PAX7: variants seen among roughly 807,000 people sequenced by gnomAD.
PAX7 encodes paired box protein Pax-7.
Under a neutral mutation model 50.7 loss-of-function variants are expected in PAX7, and 18 were observed. The observed-to-expected ratio is 0.36, with a 90% CI of 0.25 to 0.53. PAX7 has a LOEUF of 0.53. Ranked by LOEUF, PAX7 falls within the 20% of genes least tolerant of loss-of-function variation. The pLI is 0.93. For missense variants in PAX7, 644 were observed against 702.9 expected (o/e 0.92, Z 0.95); for synonymous variants, 310 against 290.4 (o/e 1.07, Z -0.69).
At chr1:18,668,832 C>T (rs12141588) in intron 4 of PAX7, among the ~76,000 whole-genome samples, 5,543 of 152,344 alleles carry the variant, frequency 0.036, 171 homozygotes, top group Admixed American at 0.056. Context: ...GGGATTGGCA[C>T]CACATTTCCC....
At chr1:18,660,816 G>GA (rs1200507298) in intron 4 of PAX7, among the ~76,000 whole-genome samples, 1 of 152,176 alleles carries the variant, frequency 6.6e-6, no homozygotes, top group African/African-American at 2.4e-5. Flanking sequence ...AGGGAGGGGA[G>GA]AGAGGACTCA....
At chr1:18,694,796 G>A (rs1194028457) in intron 5 of PAX7, among the ~76,000 whole-genome samples, 1 of 152,146 alleles carries the variant, frequency 6.6e-6, no homozygotes, top group Admixed American at 6.5e-5. Flanking sequence ...TTACATTTCT[G>A]GGATCCCTAT....
chr1:18,631,356 T>G lies in PAX7; in HGVS notation c.-248T>G. The G allele has an allele frequency of 2.0e-6, 1 of 509,478 alleles. No homozygotes were observed. The highest frequency in any genetic ancestry group is 3.5e-6 in the Non-Finnish European group (1 of 282,616). 31.6% of individuals were successfully genotyped at this position (509,478 alleles called of 1,614,324 possible). A position where few individuals can be genotyped will look rare whatever the true frequency, so the allele number is the denominator to read the frequency against. ...GTTGGAGTGTTTGTTTGTTTGAACT[T>G]CCTCGTCGTCGCCACCTTCCCTCCC... On this transcript the variant is annotated 5_prime_UTR_variant, in exon 1 of 9. Transcript: ENST00000420770.
intron 5 of PAX7, among the ~76,000 whole-genome samples, chr1:18,696,718 TAG>T (rs917922629): frequency 6.4e-4 from 97 of 152,004 alleles, no homozygotes; most frequent in African/African-American, 2.0e-3. Flanking sequence ...CTCATGGAGA[TAG>T]AGAGTAGAAG....
At chr1:18,724,321 A>G (rs2089529650) in intron 7 of PAX7, among the ~76,000 whole-genome samples, 1 of 152,374 alleles carries the variant, frequency 6.6e-6, no homozygotes, top group Non-Finnish European at 1.5e-5. Context: ...AGCAGGCTGC[A>G]GAGGCAGCTG....
At chr1:18,725,660 C>CT (rs1447403485) in intron 7 of PAX7, among the ~76,000 whole-genome samples, 1 of 152,216 alleles carries the variant, frequency 6.6e-6, no homozygotes, top group African/African-American at 2.4e-5. Flanking sequence ...CAATCATTAT[C>CT]TTTAAATAGT....
At chr1:18,709,428 T>C (rs1417304518) in intron 7 of PAX7, among the ~76,000 whole-genome samples, 1 of 152,262 alleles carries the variant, frequency 6.6e-6, no homozygotes, top group Non-Finnish European at 1.5e-5. Context: ...ATTCTCTAAG[T>C]GTGCAGTTAA....
At chr1:18,677,996 T>C (rs2088847445) in intron 4 of PAX7, among the ~76,000 whole-genome samples, 1 of 149,492 alleles carries the variant, frequency 6.7e-6, no homozygotes, top group African/African-American at 2.5e-5. Flanking sequence ...GCAGGAGAAA[T>C]GCTTCAACCC....
At chr1:18,709,973 T>C (rs1415757336) in intron 7 of PAX7, among the ~76,000 whole-genome samples, 1 of 152,228 alleles carries the variant, frequency 6.6e-6, no homozygotes. Flanking sequence ...TTTACCTTTA[T>C]TTATTTGTGA....
intron 4 of PAX7, among the ~76,000 whole-genome samples, chr1:18,668,793 A>G (rs2088703180): frequency 6.6e-6 from 1 of 152,208 alleles, no homozygotes; most frequent in African/African-American, 2.4e-5. Flanking sequence ...GCATTCACAT[A>G]AACTTTTCTC....
chr1:18,702,968 G>T (rs1425140708), intron 6 of PAX7, 126 bp from the exon 7 acceptor site: 1 of 836,714 alleles, frequency 1.2e-6, no homozygotes, highest in East Asian at 2.7e-5. Flanking sequence ...AGCATGAGAG[G>T]GTGGTCCCTT....
chr1:18,676,027 A>T (rs931073846), intron 4 of PAX7, among the ~76,000 whole-genome samples: 6 of 152,120 alleles, frequency 3.9e-5, no homozygotes, highest in African/African-American at 1.4e-4. Flanking sequence ...CTGACATAAT[A>T]CGTAACAGTA....
chr1:18,727,371 T>TACACACACAC (rs56258552), intron 7 of PAX7, among the ~76,000 whole-genome samples: 40 of 134,078 alleles, frequency 3.0e-4, no homozygotes, highest in African/African-American at 9.3e-4. Flanking sequence ...CTCTCTCTCA[T>TACACACACAC]ACACACACAC....
rs573576354 is a variant in PAX7 at position 18,651,941 on chromosome 1, G to GA, written c.586+15572dup. Among the ~76,000 whole-genome samples, 1,025 of 152,002 alleles carry GA rather than the reference G, an allele frequency of 6.7e-3. 4 individuals carry two copies. The highest frequency in any genetic ancestry group is 0.01 in the Non-Finnish European group (699 of 67,970). On this transcript the variant is annotated intron_variant, in intron 4 of 8. Transcript: ENST00000420770. ...AGAAAAGCAGCCTGGTTTGAAAGGG[G>GA]AAGTGGCATTTCAGGCACTTAATTA...
At position 18,631,452 on chromosome 1, in the gene PAX7, G is replaced by A. The variant is rs546444841; in HGVS notation, c.-152G>A. ...GTTTGACTGCAGCCAGGGGTGGGGG[G>A]TGGGGGTAGGGAGTGTGTGTGGAGG... On this transcript the variant is annotated 5_prime_UTR_variant, in exon 1 of 9. It adds an upstream start codon to the 5' untranslated region. Transcript: ENST00000420770. The A allele has an allele frequency of 1.5e-6, 1 of 658,192 alleles. No individual in the cohort carries two copies. Among genetic ancestry groups the A allele is most frequent in the Non-Finnish European group, 2.7e-6 (1 of 372,666 alleles). The allele number at this position is 658,192 out of a possible 1,614,324, so 40.8% of individuals were successfully genotyped here. A position where few individuals can be genotyped will look rare whatever the true frequency, so the allele number is the denominator to read the frequency against.
intron 7 of PAX7, among the ~76,000 whole-genome samples, chr1:18,724,719 G>A (rs565961319): frequency 1.6e-4 from 24 of 152,328 alleles, no homozygotes; most frequent in African/African-American, 5.5e-4. Context: ...GGAGACTGGG[G>A]CAAATTATTT....
intron 4 of PAX7, among the ~76,000 whole-genome samples, chr1:18,660,459 T>TG (rs3216188): frequency 0.088 from 13,322 of 152,024 alleles, 703 homozygotes; most frequent in Admixed American, 0.13. Flanking sequence ...GAAACCAAAG[T>TG]GGGGGATGAT....
chr1:18,683,492 T>C lies in PAX7; in HGVS notation c.587-8262T>C, dbSNP rs2088928149. 1.3e-5 allele frequency among the ~76,000 whole-genome samples: 2 copies of C among 152,204 alleles called. 1 individual carries two copies. Among genetic ancestry groups the C allele is most frequent in the South Asian group, 4.1e-4 (2 of 4,828 alleles). ...CATTGGAGATTCGGCAACGAATCAA[T>C]GAATTTGAATGAATTTGGACAGTCA... On this transcript the variant is annotated intron_variant, in intron 4 of 8. Coordinates refer to ENST00000420770, the MANE Select transcript of PAX7 (RefSeq NM_001135254.2).
At chr1:18,661,201 G>T (rs2088594895) in intron 4 of PAX7, among the ~76,000 whole-genome samples, 1 of 152,142 alleles carries the variant, frequency 6.6e-6, no homozygotes, top group Non-Finnish European at 1.5e-5. Flanking sequence ...GCTTGGTGGG[G>T]TAGACAGGCA....
Sources: gnomAD v4.1 joint callset for allele counts (sites outside exome capture counted in the v4.1 genomes callset) on GRCh38, gnomAD v4.1.1 for gene constraint, MANE v1.5 for transcripts, NCBI Gene and HGNC (gene_info 2026-07-23, HGNC 2026-07-21) for gene names.